Variants in NEURL1B observed in about 807,000 individuals in gnomAD.
The protein encoded by NEURL1B is neuralized E3 ubiquitin protein ligase 1B.
Under a neutral mutation model 37.4 loss-of-function variants are expected in NEURL1B, and 13 were observed. That is an observed-to-expected ratio of 0.35 (90% CI 0.23 to 0.55). NEURL1B has a LOEUF of 0.55. NEURL1B is among the 20% of genes least tolerant of loss of function. The pLI, the probability that NEURL1B is intolerant of heterozygous loss-of-function variation, is 0.89. For synonymous variants in NEURL1B, 432 were observed against 426.6 expected, an observed-to-expected ratio of 1.01 and a Z score of -0.16; for missense variants, 790 against 879.2, an observed-to-expected ratio of 0.90 and a Z score of 1.28.
chr5:172,658,355 G>A (rs1274018361), intron 1 of NEURL1B, among the ~76,000 whole-genome samples: 2 of 152,164 alleles, frequency 1.3e-5, no homozygotes, highest in South Asian at 2.1e-4. Context: ...AAGTCCATGC[G>A]GGCTTCCTGC....
At position 172,686,887 on chromosome 5, in the gene NEURL1B, C is replaced by T. The variant is rs867108820; in HGVS notation, c.1630C>T (p.Arg544Trp). ...CCGGGCCTGCTGCCCCATCTGCCGGCGGCCCATCAAGGACGTCATTAAGAT... is the reference window on the plus strand; with the variant it reads ...CCGGGCCTGCTGCCCCATCTGCCGGTGGCCCATCAAGGACGTCATTAAGAT... ...QARACCPICR[R>W]PIKDVIKIYR... Residue 544 changes from arginine (R) to tryptophan (W), a missense_variant, in exon 5 of 5, where the codon CGG becomes TGG. Physicochemically the swap from Arg to Trp is moderately radical, Grantham distance 101. Around this residue, in one of 3 missense-constraint regions of NEURL1B, gnomAD observed 115 missense variants for 162.6 expected, o/e 0.71. Coordinates refer to ENST00000369800, the MANE Select transcript of NEURL1B (RefSeq NM_001142651.3). This position sits in a 1 kb window ranked among gnomAD's most constrained non-coding sequence, Gnocchi z 7.9. 3.9e-6 allele frequency: 6 copies of T among 1,550,132 alleles called. No individual in the cohort carries two copies. The highest frequency in any genetic ancestry group is 1.7e-4 in the Middle Eastern group (1 of 6,010).
chr5:172,674,139 CA>C (rs112362262), intron 2 of NEURL1B, among the ~76,000 whole-genome samples: 33,550 of 144,272 alleles, frequency 0.23, 5,280 homozygotes, highest in African/African-American at 0.47. Context: ...AACTCCATCT[CA>C]AAAAAAAAAA....
chr5:172,686,127 G>A lies in NEURL1B; in HGVS notation c.1298-44G>A. 2 of 1,547,888 alleles carry A rather than the reference G, an allele frequency of 1.3e-6. No homozygotes were observed. The highest frequency in any genetic ancestry group is 1.7e-6 in the Non-Finnish European group (2 of 1,145,062). ...GAAGAACCATGGACTAGCAGGGCAG[G>A]TCCAACCTTCCACTGCCCCTGATGG... On this transcript the variant is annotated intron_variant, in intron 3 of 4. Transcript: ENST00000369800. This position sits in a 1 kb window ranked among gnomAD's most constrained non-coding sequence, Gnocchi z 7.9.
In NEURL1B at chr5:172,669,917, A is replaced by T; in HGVS notation, c.164A>T (p.His55Leu). ...AKGKNVRLDG[H>L]SRRATRRNSF... is the part of the protein sequence containing the mutation. ...GGCAAGAACGTGCGGCTGGACGGCC[A>T]CTCGCGCCGGGCCACACGGCGCAAC... The change falls in exon 2 of 5, where the codon CAC (histidine) becomes CTC (leucine). Residue 55 changes from histidine to leucine, a missense_variant. By Grantham distance (99) the His-to-Leu change is moderately conservative. Transcript: ENST00000369800. 1 of 1,451,540 alleles carries T rather than the reference A, an allele frequency of 6.9e-7. No homozygotes were observed. The highest frequency in any genetic ancestry group is 1.4e-5 in the South Asian group (1 of 72,142). 89.9% of individuals were successfully genotyped at this position (1,451,540 alleles called of 1,614,324 possible).
rs2618352 is a variant in NEURL1B, at chr5:172,686,927, C to G, written c.*2C>G. The G allele has an allele frequency of 6.5e-7, 1 of 1,540,572 alleles. No individual in the cohort carries two copies. Among genetic ancestry groups the G allele is most frequent in the African/African-American group, 1.4e-5 (1 of 72,882 alleles). ...GTCATTAAGATCTACAGGCCATAGC[C>G]TAGCCTGCCCACGGGCCTTGGCCGG... On this transcript the variant is annotated 3_prime_UTR_variant, in exon 5 of 5. Transcript: ENST00000369800. This position sits in a 1 kb window ranked among gnomAD's most constrained non-coding sequence, Gnocchi z 7.9.
intron 1 of NEURL1B, among the ~76,000 whole-genome samples, chr5:172,651,596 C>T (rs1285416393): frequency 1.3e-5 from 2 of 152,200 alleles, no homozygotes; most frequent in African/African-American, 4.8e-5. Context: ...CCTCTTTCTG[C>T]TAGTATGTCT....
rs1352661758 is a variant in NEURL1B, at chr5:172,665,571, C to T, written c.32-4214C>T. Among the ~76,000 whole-genome samples the T allele has an allele frequency of 6.6e-6, 1 of 152,224 alleles. No homozygotes were observed. The highest frequency in any genetic ancestry group is 1.5e-5 in the Non-Finnish European group (1 of 68,040). On this transcript the variant is annotated intron_variant, in intron 1 of 4. Transcript: ENST00000369800. The surrounding 1 kb of genome is among the most constrained non-coding windows in gnomAD (Gnocchi z 4.1). ...GTGCGTTCTGAGCCTCTTGGGCTGG[C>T]ATTCAGGGCCTTCCCACCTGGTTCC... is the stretch of plus-strand genomic sequence containing the variant.
chr5:172,641,318 T>C lies in NEURL1B; in HGVS notation c.-89T>C. The C allele has an allele frequency of 1.2e-5, 14 of 1,159,672 alleles. No individual in the cohort carries two copies. The highest frequency in any genetic ancestry group is 1.4e-5 in the Non-Finnish European group (13 of 920,892). 71.8% of individuals were successfully genotyped at this position (1,159,672 alleles called of 1,614,324 possible). The stretch of plus-strand genomic sequence containing the variant: ...CGTGCAGCTGCGATGCCCCGGAGCG[T>C]CGACCCCGGTCCTGGTCCCTGGCCC... On this transcript the variant is annotated 5_prime_UTR_variant, in exon 1 of 5. Coordinates refer to ENST00000369800, the MANE Select transcript of NEURL1B (RefSeq NM_001142651.3). The surrounding 1 kb of genome is among the most constrained non-coding windows in gnomAD (Gnocchi z 6.4).
At chr5:172,684,162 C>T in intron 3 of NEURL1B, 24 bp downstream of exon 3, 2 of 1,221,560 alleles carry the variant, frequency 1.6e-6, no homozygotes, top group Non-Finnish European at 2.0e-6. Flanking sequence ...CCCGCGTGCG[C>T]GAGGCCCCGC....
intron 2 of NEURL1B, among the ~76,000 whole-genome samples, chr5:172,673,016 G>A (rs1758160661): frequency 6.6e-6 from 1 of 152,118 alleles, no homozygotes; most frequent in African/African-American, 2.4e-5. Flanking sequence ...ACGTGATTGA[G>A]GCTCAATGAA....
rs892826758 is a variant in NEURL1B at position 172,688,514 on chromosome 5, G to C, written c.*1589G>C. On this transcript the variant is annotated 3_prime_UTR_variant, in exon 5 of 5. Coordinates refer to ENST00000369800, the MANE Select transcript of NEURL1B (RefSeq NM_001142651.3). The surrounding 1 kb of genome is among the most constrained non-coding windows in gnomAD (Gnocchi z 4.3). ...GTCTGGGTGCCCAGAGCAAAGCTGG[G>C]CCAGGCCTTCACCAGATCAAGCCCC... 3 of 152,256 alleles carry C rather than the reference G, an allele frequency of 2.0e-5. No individual in the cohort carries two copies. Among genetic ancestry groups the C allele is most frequent in the Non-Finnish European group, 1.5e-5 (1 of 68,062 alleles). The allele number at this position is 152,256 out of a possible 1,614,324, so 9.4% of individuals were successfully genotyped here.
At chr5:172,658,799 T>C (rs1162020222) in intron 1 of NEURL1B, among the ~76,000 whole-genome samples, 2 of 152,112 alleles carry the variant, frequency 1.3e-5, no homozygotes, top group Admixed American at 6.5e-5. Flanking sequence ...CAAGGTCCTA[T>C]GGGTGGGGGG....
chr5:172,677,290 C>T (rs978251422), intron 2 of NEURL1B, among the ~76,000 whole-genome samples: 8 of 152,152 alleles, frequency 5.3e-5, no homozygotes, highest in African/African-American at 1.9e-4. Flanking sequence ...TGTCCTTTCT[C>T]AGTCTGGAGC....
intron 1 of NEURL1B, chr5:172,656,528 G>A (rs1757781513): frequency 6.2e-7 from 1 of 1,608,416 alleles, no homozygotes; most frequent in Non-Finnish European, 8.5e-7. Flanking sequence ...CTTACTTTTT[G>A]CCAGATTTCT....
chr5:172,674,071 C>A (rs1382233254), intron 2 of NEURL1B, among the ~76,000 whole-genome samples: 1 of 151,782 alleles, frequency 6.6e-6, no homozygotes, highest in East Asian at 1.9e-4. Context: ...ACCCAGGAGG[C>A]AGAGGTTGCA....
At chr5:172,658,592 A>C in intron 1 of NEURL1B, among the ~76,000 whole-genome samples, 1 of 152,264 alleles carries the variant, frequency 6.6e-6, no homozygotes, top group East Asian at 1.9e-4. Flanking sequence ...CCTTCCCTGC[A>C]GGGATGACTT....
At position 172,672,544 on chromosome 5, in the gene NEURL1B, C is replaced by CCCCG. The variant is rs1554098452; in HGVS notation, c.577+2217_577+2218insGCCC. Among the ~76,000 whole-genome samples the CCCCG allele has an allele frequency of 3.4e-3, 506 of 147,214 alleles. 5 individuals carry two copies. The highest frequency in any genetic ancestry group is 0.012 in the African/African-American group (491 of 39,956). ...ATAAATCTGTGAGGTGAACTCTCCC[C>CCCCG]CCCCCACTCTATTTCCTTATTCAGC... On this transcript the variant is annotated intron_variant, in intron 2 of 4. Transcript: ENST00000369800.
intron 1 of NEURL1B, among the ~76,000 whole-genome samples, chr5:172,650,381 G>T (rs1363933727): frequency 6.6e-6 from 1 of 152,188 alleles, no homozygotes; most frequent in Non-Finnish European, 1.5e-5. Context: ...CTGTTCTCAG[G>T]ACCAGAGGGT....
chr5:172,657,736 G>A lies in NEURL1B; in HGVS notation c.32-12049G>A, dbSNP rs969950602. On this transcript the variant is annotated intron_variant, in intron 1 of 4. Coordinates refer to ENST00000369800, the MANE Select transcript of NEURL1B (RefSeq NM_001142651.3). The surrounding 1 kb of genome is among the most constrained non-coding windows in gnomAD (Gnocchi z 4.0). ...CCTTGGAGGAGTCAGGGCACACTCT[G>A]CTCCACCAGCTTCTTGTGGAAGGCT... Among the ~76,000 whole-genome samples, 3 of 152,122 alleles carry A rather than the reference G, an allele frequency of 2.0e-5. No individual in the cohort carries two copies. Among genetic ancestry groups the A allele is most frequent in the Non-Finnish European group, 4.4e-5 (3 of 68,016 alleles).
Sources: gnomAD v4.1 joint callset for allele counts (sites outside exome capture counted in the v4.1 genomes callset) on GRCh38, gnomAD v4.1.1 for gene constraint, gnomAD v4.1.1 regional missense constraint, Gnocchi (gnomAD v3.1) non-coding constraint, MANE v1.5 for transcripts, NCBI Gene and HGNC (gene_info 2026-07-23, HGNC 2026-07-21) for gene names.